The following ASCC3 variants were observed in gnomAD, a reference collection of about 807,000 sequenced individuals.
The protein encoded by ASCC3 is ASC-1 complex subunit P200.
In ASCC3, 158 loss-of-function variants were observed where a neutral mutation model predicts 256.3. The observed-to-expected ratio is 0.62, with a 90% CI of 0.54 to 0.70. The LOEUF (loss-of-function observed/expected upper bound fraction) is 0.70, where lower values mean the gene tolerates loss of function less well. Ranked by LOEUF, ASCC3 falls within the 30% of genes least tolerant of loss-of-function variation. The probability of loss-of-function intolerance (pLI) is 0.00; values close to 1 mark genes in which losing one functional copy is unlikely to be tolerated. For missense variants in ASCC3, 2,259 were observed against 2,626.0 expected (o/e 0.86, Z 3.05); for synonymous variants, 948 against 883.4 (o/e 1.07, Z -1.30).
intron 8 of ASCC3, among the ~76,000 whole-genome samples, chr6:100,775,280 TAAG>T (rs915035785): frequency 6.6e-6 from 1 of 152,128 alleles, no homozygotes; most frequent in African/African-American, 2.4e-5. Context: ...CTTCTGAGAA[TAAG>T]AAGGCTTAGA....
At chr6:100,765,877 C>CT (rs1452022207) in intron 10 of ASCC3, among the ~76,000 whole-genome samples, 1 of 152,198 alleles carries the variant, frequency 6.6e-6, no homozygotes, top group Non-Finnish European at 1.5e-5. Context: ...GTTCTATTAT[C>CT]TATTTTCCAT....
intron 10 of ASCC3, among the ~76,000 whole-genome samples, chr6:100,761,362 C>T (rs1217243618): frequency 6.6e-6 from 1 of 152,120 alleles, no homozygotes; most frequent in Non-Finnish European, 1.5e-5. Flanking sequence ...GTGGCATGCG[C>T]CTGTAATCTC....
chr6:100,764,836 CG>C (rs1327673009), intron 10 of ASCC3, among the ~76,000 whole-genome samples: 1 of 151,852 alleles, frequency 6.6e-6, no homozygotes, highest in Non-Finnish European at 1.5e-5. Context: ...TTTGGGGGGT[CG>C]GGGAGATGAT....
intron 37 of ASCC3, among the ~76,000 whole-genome samples, chr6:100,526,773 G>A (rs1774596975): frequency 6.6e-6 from 1 of 152,102 alleles, no homozygotes. Flanking sequence ...AGAATTATTT[G>A]TTTTTAGTCA....
At chr6:100,640,119 A>T (rs563030319) in intron 24 of ASCC3, among the ~76,000 whole-genome samples, 66 of 152,286 alleles carry the variant, frequency 4.3e-4, no homozygotes, top group African/African-American at 1.5e-3. Flanking sequence ...TGTCTCACAA[A>T]TAAAATAAAA....
At chr6:100,716,253 G>A (rs1441813837) in intron 12 of ASCC3, among the ~76,000 whole-genome samples, 2 of 151,642 alleles carry the variant, frequency 1.3e-5, no homozygotes, top group Non-Finnish European at 3.0e-5. Flanking sequence ...AATGTATTAT[G>A]CCCACATATG....
chr6:100,709,651 T>A (rs1778776387), intron 13 of ASCC3, among the ~76,000 whole-genome samples: 1 of 152,140 alleles, frequency 6.6e-6, no homozygotes, highest in Non-Finnish European at 1.5e-5. Flanking sequence ...GAAGACCATG[T>A]AGAAACATTA....
chr6:100,838,395 G>A (rs79045492), intron 4 of ASCC3, among the ~76,000 whole-genome samples: 5,734 of 151,870 alleles, frequency 0.038, 146 homozygotes, highest in Non-Finnish European at 0.058. Context: ...CTGAATTGTG[G>A]CATAGAAAAT....
At chr6:100,621,781 G>A (rs771050194) in intron 30 of ASCC3, among the ~76,000 whole-genome samples, 11 of 152,228 alleles carry the variant, frequency 7.2e-5, no homozygotes, top group African/African-American at 9.6e-5. Flanking sequence ...ATAAAGATAC[G>A]TGCACACGTA....
chr6:100,598,762 T>G (rs1489754687), intron 34 of ASCC3, among the ~76,000 whole-genome samples: 1 of 152,186 alleles, frequency 6.6e-6, no homozygotes, highest in Admixed American at 6.5e-5. Context: ...TATCTTAATT[T>G]AAAGATTTAC....
chr6:100,812,726 T>TA (rs776715419), intron 4 of ASCC3, among the ~76,000 whole-genome samples: 1 of 152,118 alleles, frequency 6.6e-6, no homozygotes, highest in South Asian at 2.1e-4. Flanking sequence ...GGCCAGTAGT[T>TA]AGAGACCAGC....
intron 36 of ASCC3, among the ~76,000 whole-genome samples, chr6:100,572,528 T>C (rs1312245675): frequency 6.6e-6 from 1 of 152,134 alleles, no homozygotes; most frequent in African/African-American, 2.4e-5. Context: ...GAATAGGGCA[T>C]AGGGAAATAC....
intron 10 of ASCC3, among the ~76,000 whole-genome samples, chr6:100,755,794 G>GT (rs1296543973): frequency 1.3e-5 from 2 of 151,958 alleles, no homozygotes; most frequent in East Asian, 3.9e-4. Context: ...TAAGCTTTTG[G>GT]TTTTATCAAA....
chr6:100,780,372 C>T (rs574642663), intron 8 of ASCC3, among the ~76,000 whole-genome samples: 1 of 152,240 alleles, frequency 6.6e-6, no homozygotes, highest in East Asian at 1.9e-4. Context: ...CAGGGAAAAT[C>T]TCTTAGGGCA....
chr6:100,860,896 TA>T (rs1234654568), intron 3 of ASCC3, among the ~76,000 whole-genome samples: 1 of 152,068 alleles, frequency 6.6e-6, no homozygotes, highest in Non-Finnish European at 1.5e-5. Flanking sequence ...TGTCAACTCA[TA>T]AAGGAGTTTT....
chr6:100,582,977 G>C (rs972266468), intron 36 of ASCC3, among the ~76,000 whole-genome samples: 1 of 152,184 alleles, frequency 6.6e-6, no homozygotes, highest in Non-Finnish European at 1.5e-5. Context: ...TGTGCTGCTG[G>C]ATTCAGTGTG....
At chr6:100,776,829 A>T (rs546890578) in intron 8 of ASCC3, among the ~76,000 whole-genome samples, 1 of 152,204 alleles carries the variant, frequency 6.6e-6, no homozygotes, top group South Asian at 2.1e-4. Context: ...TGTAAATATC[A>T]TAAGCTTAAG....
intron 30 of ASCC3, among the ~76,000 whole-genome samples, chr6:100,623,478 C>CCTACTAACTCTT (rs1188882049): frequency 6.6e-6 from 1 of 152,068 alleles, no homozygotes; most frequent in African/African-American, 2.4e-5. Flanking sequence ...ATCTAACAGT[C>CCTACTAACTCTT]CTACTAACTC....
chr6:100,796,377 C>G (rs1344777202), intron 8 of ASCC3, among the ~76,000 whole-genome samples: 5 of 152,060 alleles, frequency 3.3e-5, no homozygotes, highest in Non-Finnish European at 4.4e-5. Context: ...TATATTCACA[C>G]AAAAATCTGC....
Sources: allele counts gnomAD v4.1 joint callset (sites outside exome capture counted in the v4.1 genomes callset), GRCh38; gene constraint gnomAD v4.1.1; transcripts MANE v1.5; gene names NCBI Gene and HGNC (gene_info 2026-07-23, HGNC 2026-07-21).